Variants in CDK9 observed in about 807,000 individuals in gnomAD.
The protein encoded by CDK9 is cyclin-dependent kinase 9.
A neutral mutation model predicts 39.0 loss-of-function variants in CDK9; 34 were observed. That is an observed-to-expected ratio of 0.87 (90% CI 0.66 to 1.16). The LOEUF (loss-of-function observed/expected upper bound fraction) is 1.16. Ranked by LOEUF, CDK9 falls within the 50% of genes most tolerant of loss-of-function variation. The pLI, the probability that CDK9 is intolerant of heterozygous loss-of-function variation, is 0.00. For synonymous variants in CDK9, 233 were observed against 196.2 expected (o/e 1.19, Z -1.57); for missense variants, 369 against 503.2 (o/e 0.73, Z 2.55).
chr9:127,787,896 T>G, intron 3 of CDK9, 51 bp from the exon 4 acceptor site: 1 of 1,586,008 alleles, frequency 6.3e-7, no homozygotes, highest in African/African-American at 1.3e-5. Flanking sequence ...TGTGGGAAAG[T>G]GTGTTGGGTG....
In CDK9 at chr9:127,789,275, G is replaced by A. The variant is rs1829387402; in HGVS notation, c.851G>A (p.Arg284His). 3 of 1,614,000 alleles carry A rather than the reference G, an allele frequency of 1.9e-6. No individual in the cohort carries two copies. Among genetic ancestry groups the A allele is most frequent in the Non-Finnish European group, 2.5e-6 (3 of 1,180,032 alleles). The change falls in exon 7 of 7, where the codon CGT becomes CAT. Residue 284 changes from arginine (R) to histidine (H), a missense_variant. Arg to His is a conservative substitution (Grantham distance 29). Coordinates refer to ENST00000373264, the MANE Select transcript of CDK9 (RefSeq NM_001261.4). The surrounding 1 kb of genome is among the most constrained non-coding windows in gnomAD (Gnocchi z 5.2). ...KVKDRLKAYV[R>H]DPYALDLIDK... ...AAGGACAGGCTGAAGGCCTATGTGC[G>A]TGACCCATACGCACTGGACCTCATC... is the stretch of plus-strand genomic sequence containing the variant.
rs1268874143 is a variant in CDK9, at chr9:127,790,208, T to G, written c.*665T>G. 4 of 151,658 alleles carry G rather than the reference T, an allele frequency of 2.6e-5. No homozygotes were observed. Among genetic ancestry groups the G allele is most frequent in the Non-Finnish European group, 4.4e-5 (3 of 68,008 alleles). 9.4% of individuals were successfully genotyped at this position (151,658 alleles called of 1,614,324 possible). On this transcript the variant is annotated 3_prime_UTR_variant, in exon 7 of 7. Transcript: ENST00000373264. Reference sequence around the variant, plus strand: ...GACTTGATTGTCAAGTCACTGGAGGTCTTGACTTTTTTATCTCAGTTCATG... The same window carrying G: ...GACTTGATTGTCAAGTCACTGGAGGGCTTGACTTTTTTATCTCAGTTCATG...
chr9:127,786,845 C>T (rs1186050344), intron 2 of CDK9, 63 bp downstream of exon 2: 31 of 1,345,722 alleles, frequency 2.3e-5, no homozygotes, highest in Non-Finnish European at 3.2e-5. Context: ...GTCGGTTTTC[C>T]ACCCTGCTGC....
In CDK9 at chr9:127,787,612, A is replaced by G; in HGVS notation, c.265+4A>G. 6.3e-7 allele frequency: 1 copy of G among 1,596,764 alleles called. No individual in the cohort carries two copies. The highest frequency in any genetic ancestry group is 1.1e-5 in the South Asian group (1 of 90,756). On this transcript the variant is annotated splice_donor_region_variant and intron_variant, in intron 3 of 6. Coordinates refer to ENST00000373264, the MANE Select transcript of CDK9 (RefSeq NM_001261.4). The stretch of plus-strand genomic sequence containing the variant: ...ATTGAGATTTGTCGAACCAAAGGTA[A>G]GTTATTTGGTTCTTACGAGAAGATG...
rs773778565 is a variant in CDK9 at position 127,789,534 on chromosome 9, C to T, written c.1110C>T (p.Arg370=). ...PATTNQTEFE[R]VF ...CCACCAACCAGACGGAGTTTGAGCG[C>T]GTCTTCTGAGGGCCGGCGCTTGCCA... The change falls in exon 7 of 7, where the codon CGC becomes CGT. Residue 370 remains arginine, a synonymous_variant. Transcript: ENST00000373264. This position sits in a 1 kb window ranked among gnomAD's most constrained non-coding sequence, Gnocchi z 5.2. 30 of 1,613,382 alleles carry T rather than the reference C, an allele frequency of 1.9e-5. No homozygotes were observed. In the South Asian group the frequency reaches 2.3e-4, roughly 12 times the overall value.
chr9:127,786,085 GGGACCCGGAGCAGGAGCGGCGGCAGCA>G lies in CDK9; in HGVS notation c.-62_-36del, dbSNP rs1829304428. 2 of 1,292,094 alleles carry G rather than the reference GGGACCCGGAGCAGGAGCGGCGGCAGCA, an allele frequency of 1.5e-6. No homozygotes were observed. The highest frequency in any genetic ancestry group is 2.2e-6 in the Non-Finnish European group (2 of 929,532). 80.0% of individuals were successfully genotyped at this position (1,292,094 alleles called of 1,614,324 possible). ...GAGGGGCCTGGAGTGCGGCGGCGGCGGGACCCGGAGCAGGAGCGGCGGCAGCAGCGACTGGGGGCGGCGGCGGCGCGT... is the reference window on the plus strand; with the variant it reads ...GAGGGGCCTGGAGTGCGGCGGCGGCGGCGACTGGGGGCGGCGGCGGCGCGT... On this transcript the variant is annotated 5_prime_UTR_variant, in exon 1 of 7. Coordinates refer to ENST00000373264, the MANE Select transcript of CDK9 (RefSeq NM_001261.4).
Position 127,787,831 on chromosome 9 carries a change from G to A in CDK9, c.266-116G>A, listed in dbSNP as rs977960997. ...TGACCGGTGAAGGAAGGAACAGACA[G>A]ATGCTCTGGAGGGCATGGGTGCCCG... On this transcript the variant is annotated intron_variant, in intron 3 of 6. Coordinates refer to ENST00000373264, the MANE Select transcript of CDK9 (RefSeq NM_001261.4). 12 of 1,130,134 alleles carry A rather than the reference G, an allele frequency of 1.1e-5. No homozygotes were observed. In the East Asian group the frequency reaches 2.8e-4, roughly 27 times the overall value. The allele number at this position is 1,130,134 out of a possible 1,614,324, so 70.0% of individuals were successfully genotyped here.
intron 1 of CDK9, 70 bp downstream of exon 1, chr9:127,786,310 GC>G (rs530750745): frequency 5.1e-5 from 59 of 1,148,658 alleles, no homozygotes; most frequent in Non-Finnish European, 6.2e-5. Flanking sequence ...GGATGCCCGG[GC>G]CCCCCCCGAG....
rs1457236757 is a variant in CDK9 at position 127,788,333 on chromosome 9, C to T, written c.552C>T (p.Arg184=). 1 of 1,613,192 alleles carries T rather than the reference C, an allele frequency of 6.2e-7. No homozygotes were observed. The highest frequency in any genetic ancestry group is 8.5e-7 in the Non-Finnish European group (1 of 1,179,988). ...FSLAKNSQPN[R]YTNRVVTLWY... is the part of the protein sequence containing the mutation. ...TGGCCAAGAACAGCCAGCCCAACCG[C>T]TACACCAACCGTGTGGTGACACTCT... The change falls in exon 5 of 7, where the codon CGC becomes CGT. Residue 184 remains arginine (R), a synonymous_variant. Coordinates refer to ENST00000373264, the MANE Select transcript of CDK9 (RefSeq NM_001261.4).
At position 127,788,535 on chromosome 9, in the gene CDK9, TCTTC is replaced by T; in HGVS notation, c.605-7_605-4del. ...TCAAGGGGCCCTCCTGGTGCGCTCTTCTTCCCAGGGGAGCGGGACTACGGCCCCC... is the reference window on the plus strand; with the variant it reads ...TCAAGGGGCCCTCCTGGTGCGCTCTTCCAGGGGAGCGGGACTACGGCCCCC... On this transcript the variant is annotated splice_polypyrimidine_tract_variant and splice_region_variant and intron_variant, in intron 5 of 6. Coordinates refer to ENST00000373264, the MANE Select transcript of CDK9 (RefSeq NM_001261.4). The T allele has an allele frequency of 6.4e-7, 1 of 1,555,788 alleles. No individual in the cohort carries two copies. The highest frequency in any genetic ancestry group is 8.7e-7 in the Non-Finnish European group (1 of 1,149,528).
chr9:127,789,611 CAG>C lies in CDK9; in HGVS notation c.*69_*70del, dbSNP rs1829393156. The C allele has an allele frequency of 4.5e-6, 7 of 1,554,412 alleles. No individual in the cohort carries two copies. Among genetic ancestry groups the C allele is most frequent in the South Asian group, 1.2e-5 (1 of 82,796 alleles). On this transcript the variant is annotated 3_prime_UTR_variant, in exon 7 of 7. Coordinates refer to ENST00000373264, the MANE Select transcript of CDK9 (RefSeq NM_001261.4). The surrounding 1 kb of genome is among the most constrained non-coding windows in gnomAD (Gnocchi z 5.2). The stretch of plus-strand genomic sequence containing the variant: ...TGCTATGTGACTTGCATCGTGGAGA[CAG>C]GGCATTTGAGTTTATATCTCTCATG...
chr9:127,786,647 C>T (rs1829326580), intron 1 of CDK9, 54 bp from the exon 2 acceptor site: 1 of 1,473,318 alleles, frequency 6.8e-7, no homozygotes, highest in Non-Finnish European at 9.4e-7. Flanking sequence ...GGGGGAGGGG[C>T]GGGCCCTGCG....
intron 2 of CDK9, 129 bp downstream of exon 2, chr9:127,786,911 G>A: frequency 1.4e-6 from 1 of 709,438 alleles, no homozygotes; most frequent in Non-Finnish European, 2.4e-6. Flanking sequence ...GAAATTTCCA[G>A]GGAATGTGGC....
intron 2 of CDK9, 101 bp downstream of exon 2, chr9:127,786,883 T>C: frequency 1.1e-6 from 1 of 912,264 alleles, no homozygotes; most frequent in South Asian, 1.6e-5. Flanking sequence ...TGAGATTTAA[T>C]TTTTTTGTAG....
rs550716049 is a variant in CDK9, at chr9:127,790,247, T to G, written c.*704T>G. 2 of 152,318 alleles carry G rather than the reference T, an allele frequency of 1.3e-5. No homozygotes were observed. Among genetic ancestry groups the G allele is most frequent in the African/African-American group, 4.8e-5 (2 of 41,572 alleles). The allele number at this position is 152,318 out of a possible 1,614,324, so 9.4% of individuals were successfully genotyped here. On this transcript the variant is annotated 3_prime_UTR_variant, in exon 7 of 7. Transcript: ENST00000373264. The stretch of plus-strand genomic sequence containing the variant: ...TCTCAGTTCATGTTCTCTTCCATAA[T>G]TGGAAAGGACCTTTGTCTGTTTTTC...
chr9:127,788,136 G>A, intron 4 of CDK9, 23 bp downstream of exon 4: 2 of 1,614,010 alleles, frequency 1.2e-6, no homozygotes, highest in Non-Finnish European at 1.7e-6. Context: ...GCTGGGAGGA[G>A]GACCCAGGCT....
At position 127,790,233 on chromosome 9, in the gene CDK9, G is replaced by C. The variant is rs1389964500; in HGVS notation, c.*690G>C. 1 of 152,080 alleles carries C rather than the reference G, an allele frequency of 6.6e-6. No homozygotes were observed. Among genetic ancestry groups the C allele is most frequent in the East Asian group, 1.9e-4 (1 of 5,184 alleles). 9.4% of individuals were successfully genotyped at this position (152,080 alleles called of 1,614,324 possible). A position where few individuals can be genotyped will look rare whatever the true frequency, so the allele number is the denominator to read the frequency against. On this transcript the variant is annotated 3_prime_UTR_variant, in exon 7 of 7. Transcript: ENST00000373264. ...TCTTGACTTTTTTATCTCAGTTCAT[G>C]TTCTCTTCCATAATTGGAAAGGACC... is the stretch of plus-strand genomic sequence containing the variant.
At position 127,788,050 on chromosome 9, in the gene CDK9, G is replaced by A. The variant is rs1236854026; in HGVS notation, c.369G>A (p.Leu123=). Residue 123 remains leucine (L), a synonymous_variant, in exon 4 of 7, where the codon CTG becomes CTA. Coordinates refer to ENST00000373264, the MANE Select transcript of CDK9 (RefSeq NM_001261.4). ...GCAATGTTTTGGTCAAGTTCACGCT[G>A]TCTGAGATCAAGAGGGTGATGCAGA... The part of the protein sequence containing the change: ...LLSNVLVKFT[L]SEIKRVMQML... 1 of 1,614,134 alleles carries A rather than the reference G, an allele frequency of 6.2e-7. No homozygotes were observed. Among genetic ancestry groups the A allele is most frequent in the Non-Finnish European group, 8.5e-7 (1 of 1,180,056 alleles).
chr9:127,786,594 C>T lies in CDK9; in HGVS notation c.93-107C>T, dbSNP rs1304518583. The T allele has an allele frequency of 3.9e-6, 4 of 1,032,522 alleles. No individual in the cohort carries two copies. The African/African-American group carries it at 4.7e-5, about 12-fold the overall frequency. 64.0% of individuals were successfully genotyped at this position (1,032,522 alleles called of 1,614,324 possible). A position where few individuals can be genotyped will look rare whatever the true frequency, so the allele number is the denominator to read the frequency against. ...CGCGTGCCCTGGGTACCTAGCCCAG[C>T]CCCGCCCGGGAATCTCTTTGCTGCT... On this transcript the variant is annotated intron_variant, in intron 1 of 6. Coordinates refer to ENST00000373264, the MANE Select transcript of CDK9 (RefSeq NM_001261.4).
Sources: gnomAD v4.1 joint callset for allele counts on GRCh38, gnomAD v4.1.1 for gene constraint, Gnocchi (gnomAD v3.1) non-coding constraint, MANE v1.5 for transcripts, NCBI Gene and HGNC (gene_info 2026-07-23, HGNC 2026-07-21) for gene names.